Variants in PCBP3 observed in about 807,000 individuals in gnomAD.
The protein encoded by PCBP3 is poly(rC) binding protein 3, also known as poly(rC)-binding protein 3.
In PCBP3, 25 loss-of-function variants were observed where a neutral mutation model predicts 52.7. The observed-to-expected ratio is 0.47, with a 90% CI of 0.35 to 0.66. PCBP3 has a LOEUF of 0.66. Among genes scored for constraint, PCBP3 ranks in the 30% least tolerant of loss-of-function variants. The pLI, the probability that PCBP3 is intolerant of heterozygous loss-of-function variation, is 0.01. For synonymous variants in PCBP3, 162 were observed against 183.0 expected (o/e 0.89, Z 0.93); for missense variants, 391 against 490.3 (o/e 0.80, Z 1.91).
chr21:45,733,561 G>A (rs949025193), intron 2 of PCBP3, among the ~76,000 whole-genome samples: 1 of 151,756 alleles, frequency 6.6e-6, no homozygotes. Context: ...AAAGTGCTGG[G>A]ATTACAGGCA....
At chr21:45,780,077 A>G (rs574315653) in intron 4 of PCBP3, among the ~76,000 whole-genome samples, 1 of 152,384 alleles carries the variant, frequency 6.6e-6, no homozygotes, top group East Asian at 1.9e-4. Flanking sequence ...TGTGAAAAAA[A>G]AATCCTATAC....
At chr21:45,679,826 T>G (rs955515276) in intron 2 of PCBP3, among the ~76,000 whole-genome samples, 5 of 152,256 alleles carry the variant, frequency 3.3e-5, no homozygotes, top group Non-Finnish European at 7.3e-5. Context: ...TTTTATAGTT[T>G]TACATTTTAT....
At position 45,917,767 on chromosome 21, in the gene PCBP3, G is replaced by T. The variant is rs545351321; in HGVS notation, c.717+138G>T. The stretch of plus-strand genomic sequence containing the variant: ...CTTCTCAGCGTTCCTGACCTGTGTC[G>T]TATCCATATGACCTCGAATAACCTT... On this transcript the variant is annotated intron_variant, in intron 13 of 17. Transcript: ENST00000681687. This position sits in a 1 kb window ranked among gnomAD's most constrained non-coding sequence, Gnocchi z 5.3. 6.5e-6 allele frequency: 5 copies of T among 768,316 alleles called. No individual in the cohort carries two copies. Among genetic ancestry groups the T allele is most frequent in the Admixed American group, 3.8e-5 (2 of 52,750 alleles). The allele number at this position is 768,316 out of a possible 1,614,324, so 47.6% of individuals were successfully genotyped here.
intron 4 of PCBP3, among the ~76,000 whole-genome samples, chr21:45,818,505 G>A (rs947584921): frequency 1.3e-5 from 2 of 152,188 alleles, no homozygotes; most frequent in African/African-American, 4.8e-5. Flanking sequence ...AACCACTCAT[G>A]TTTTTATTGT....
intron 2 of PCBP3, among the ~76,000 whole-genome samples, chr21:45,683,902 G>C (rs1011493435): frequency 5.9e-5 from 9 of 151,808 alleles, no homozygotes; most frequent in African/African-American, 2.2e-4. Flanking sequence ...CTCCAGCCTG[G>C]GCGACAGCGA....
intron 5 of PCBP3, among the ~76,000 whole-genome samples, chr21:45,879,782 C>T (rs1414951458): frequency 6.6e-6 from 1 of 150,514 alleles, no homozygotes; most frequent in East Asian, 2.0e-4. Context: ...TGAAAAAAAA[C>T]CTATAGGATA....
rs559090646 is a variant in PCBP3, at chr21:45,907,882, T to C, written c.340-1473T>C. Among the ~76,000 whole-genome samples the C allele has an allele frequency of 4.7e-5, 7 of 147,950 alleles. No homozygotes were observed. In the South Asian group the frequency reaches 1.3e-3, roughly 27 times the overall value. On this transcript the variant is annotated intron_variant, in intron 9 of 17. Transcript: ENST00000681687. ...CGGGGGGAGTGCTGGGCAGGGGCAGTGGGAGGAAAAGGAGGGAGAGCTTAC... is the reference window on the plus strand; with the variant it reads ...CGGGGGGAGTGCTGGGCAGGGGCAGCGGGAGGAAAAGGAGGGAGAGCTTAC...
At chr21:45,676,206 AC>A (rs1407113414) in intron 2 of PCBP3, among the ~76,000 whole-genome samples, 2 of 152,188 alleles carry the variant, frequency 1.3e-5, no homozygotes, top group Non-Finnish European at 2.9e-5. Flanking sequence ...AATTGAACTA[AC>A]TGAGCCTGTT....
chr21:45,655,174 C>T (rs563476112), intron 1 of PCBP3, among the ~76,000 whole-genome samples: 5 of 152,076 alleles, frequency 3.3e-5, no homozygotes, highest in South Asian at 2.1e-4. Flanking sequence ...AACAGTAGTA[C>T]GAGTTTTCAT....
chr21:45,832,987 A>G (rs908383996), intron 4 of PCBP3, among the ~76,000 whole-genome samples: 9 of 152,218 alleles, frequency 5.9e-5, no homozygotes, highest in African/African-American at 1.9e-4. Flanking sequence ...CCATGATCCA[A>G]TCACCTCCCG....
chr21:45,847,724 T>G (rs371290103), intron 4 of PCBP3, among the ~76,000 whole-genome samples: 54 of 152,368 alleles, frequency 3.5e-4, no homozygotes, highest in Middle Eastern at 3.4e-3. Context: ...GTGAATAAGC[T>G]GGTCTTTTTG....
chr21:45,736,915 T>A lies in PCBP3; in HGVS notation c.-162+1486T>A, dbSNP rs1482537116. 6.6e-6 allele frequency among the ~76,000 whole-genome samples: 1 copy of A among 150,490 alleles called. No homozygotes were observed. Among genetic ancestry groups the A allele is most frequent in the Non-Finnish European group, 1.5e-5 (1 of 67,660 alleles). ...AACAGGGAAGGGCAGGGTGTGGGAG[T>A]CCTGGTGCTGTGTGAATAGGCCGTC... is the stretch of plus-strand genomic sequence containing the variant. On this transcript the variant is annotated intron_variant, in intron 3 of 17. Coordinates refer to ENST00000681687, the MANE Select transcript of PCBP3 (RefSeq NM_001384156.1). This position sits in a 1 kb window ranked among gnomAD's most constrained non-coding sequence, Gnocchi z 4.6.
chr21:45,650,675 C>T (rs2079619616), intron 1 of PCBP3, among the ~76,000 whole-genome samples: 1 of 152,122 alleles, frequency 6.6e-6, no homozygotes, highest in South Asian at 2.1e-4. Context: ...GGCTGGTCTT[C>T]AACTCCTGGG....
chr21:45,662,271 GTTTTTTTTTTTTTTTTTTT>G (rs59220095), intron 1 of PCBP3, among the ~76,000 whole-genome samples: 2 of 97,270 alleles, frequency 2.1e-5, no homozygotes, highest in African/African-American at 4.7e-5. Context: ...ATATACCTAA[GTTTTTTTTTTTTTTTTTTT>G]TTTTTTTTTT....
intron 4 of PCBP3, among the ~76,000 whole-genome samples, chr21:45,795,385 A>G (rs769915871): frequency 8.0e-5 from 12 of 149,494 alleles, no homozygotes; most frequent in African/African-American, 1.2e-4. Flanking sequence ...ATTCACAAAT[A>G]TCTCTGCCAT....
chr21:45,883,857 T>C (rs1210288032), intron 5 of PCBP3, among the ~76,000 whole-genome samples: 2 of 152,248 alleles, frequency 1.3e-5, no homozygotes, highest in South Asian at 2.1e-4. Context: ...TCAATTGGTG[T>C]ATTTGGACCA....
intron 4 of PCBP3, among the ~76,000 whole-genome samples, chr21:45,819,524 AG>A (rs1257620983): frequency 1.3e-5 from 2 of 152,252 alleles, no homozygotes; most frequent in African/African-American, 2.4e-5. Context: ...GGGCACCCCA[AG>A]GCCGAGGCCG....
chr21:45,824,284 A>G (rs1186487392), intron 4 of PCBP3, among the ~76,000 whole-genome samples: 2 of 152,208 alleles, frequency 1.3e-5, no homozygotes, highest in Non-Finnish European at 2.9e-5. Flanking sequence ...TCCAGAGCAC[A>G]TGTGCTTTTA....
At chr21:45,742,466 C>G (rs1004512631) in intron 3 of PCBP3, among the ~76,000 whole-genome samples, 2 of 152,158 alleles carry the variant, frequency 1.3e-5, no homozygotes, top group African/African-American at 4.8e-5. Context: ...ATTGAAGATA[C>G]TCTGCTTTTA....
Sources: allele counts gnomAD v4.1 joint callset (sites outside exome capture counted in the v4.1 genomes callset), GRCh38; gene constraint gnomAD v4.1.1; non-coding constraint Gnocchi (gnomAD v3.1); transcripts MANE v1.5; gene names NCBI Gene and HGNC (gene_info 2026-07-23, HGNC 2026-07-21).